Variants in CRTAC1 observed in about 807,000 individuals in gnomAD.
The protein encoded by CRTAC1 is cartilage acidic protein 1.
Under a neutral mutation model 67.8 loss-of-function variants are expected in CRTAC1, and 37 were observed. The observed-to-expected ratio is 0.55, with a 90% CI of 0.42 to 0.72. CRTAC1 has a LOEUF of 0.72. CRTAC1 is among the 30% of genes least tolerant of loss of function. The pLI is 0.00. For missense variants in CRTAC1, 780 were observed against 931.6 expected (o/e 0.84, Z 2.12); for synonymous variants, 348 against 371.0 (o/e 0.94, Z 0.71).
rs773381908 is a variant in CRTAC1 at position 97,895,266 on chromosome 10, G to C, written c.1465C>G (p.Pro489Ala). The C allele has an allele frequency of 6.2e-7, 1 of 1,612,238 alleles. No homozygotes were observed. Among genetic ancestry groups the C allele is most frequent in the East Asian group, 2.2e-5 (1 of 44,842 alleles). The change falls in exon 11 of 15, where the codon CCC becomes GCC. Residue 489 changes from proline (P) to alanine (A), a missense_variant. Physicochemically the swap from Pro to Ala is conservative, Grantham distance 27. Coordinates refer to ENST00000370597, the MANE Select transcript of CRTAC1 (RefSeq NM_018058.7). The surrounding 1 kb of genome is among the most constrained non-coding windows in gnomAD (Gnocchi z 4.2). ...GGSGYLCEME[P>A]VAHFGLGKDE... is the part of the protein sequence containing the mutation. ...TCACCCAGGCCAAAGTGTGCCACGG[G>C]CTCCATCTCACACAGGTAGCCTGAG... is the stretch of plus-strand genomic sequence containing the variant.
chr10:97,976,869 G>GC (rs2051813908), intron 2 of CRTAC1, among the ~76,000 whole-genome samples: 1 of 152,152 alleles, frequency 6.6e-6, no homozygotes, highest in Non-Finnish European at 1.5e-5. Flanking sequence ...TGAGTGATTG[G>GC]CAAAGTTCCT....
In CRTAC1 at chr10:97,883,072, C is replaced by T. The variant is rs188042816; in HGVS notation, c.1633-244G>A. Among the ~76,000 whole-genome samples the T allele has an allele frequency of 3.2e-3, 489 of 152,362 alleles. 4 individuals carry two copies. Among genetic ancestry groups the T allele is most frequent in the African/African-American group, 0.011 (464 of 41,586 alleles). Reference sequence around the variant, plus strand: ...TTGCTCATTTCCCTGTGCAAAGGATCCACACGAGCTGGGACGTCTAACAGA... The same window carrying T: ...TTGCTCATTTCCCTGTGCAAAGGATTCACACGAGCTGGGACGTCTAACAGA... On this transcript the variant is annotated intron_variant, in intron 12 of 14. Coordinates refer to ENST00000370597, the MANE Select transcript of CRTAC1 (RefSeq NM_018058.7).
At chr10:97,996,014 G>T (rs377712285) in intron 2 of CRTAC1, among the ~76,000 whole-genome samples, 5 of 152,224 alleles carry the variant, frequency 3.3e-5, no homozygotes, top group Non-Finnish European at 7.4e-5. Flanking sequence ...CAAAAAATTA[G>T]CCAGGTGTTA....
chr10:97,906,111 G>C (rs887446630), intron 6 of CRTAC1, among the ~76,000 whole-genome samples: 2 of 152,196 alleles, frequency 1.3e-5, no homozygotes, highest in Non-Finnish European at 2.9e-5. Flanking sequence ...CAGAAGGCAG[G>C]GTGGGGCCCC....
rs2051776531 is a variant in CRTAC1 at position 97,975,045 on chromosome 10, T to C, written c.224+36093A>G. 6.6e-6 allele frequency among the ~76,000 whole-genome samples: 1 copy of C among 151,524 alleles called. No homozygotes were observed. The highest frequency in any genetic ancestry group is 2.4e-5 in the African/African-American group (1 of 41,212). On this transcript the variant is annotated intron_variant, in intron 2 of 14. Coordinates refer to ENST00000370597, the MANE Select transcript of CRTAC1 (RefSeq NM_018058.7). This position sits in a 1 kb window ranked among gnomAD's most constrained non-coding sequence, Gnocchi z 4.8. ...AGGAGGCCGGAGCGCGGGCAGGGAC[T>C]GGCGCGGGATCGATTCCCGGGTGGC... is the stretch of plus-strand genomic sequence containing the variant.
intron 3 of CRTAC1, among the ~76,000 whole-genome samples, chr10:97,926,752 T>C (rs2050926262): frequency 6.6e-6 from 1 of 152,158 alleles, no homozygotes; most frequent in Non-Finnish European, 1.5e-5. Context: ...GCACTTGAAG[T>C]GTTCAGAGGG....
At chr10:97,882,060 T>G (rs757147263) in intron 13 of CRTAC1, among the ~76,000 whole-genome samples, 5 of 152,206 alleles carry the variant, frequency 3.3e-5, no homozygotes, top group Admixed American at 6.5e-5. Flanking sequence ...GTATCTGTCT[T>G]GTTTACTCCT....
chr10:98,002,525 C>A (rs1842709620), intron 2 of CRTAC1, among the ~76,000 whole-genome samples: 1 of 151,944 alleles, frequency 6.6e-6, no homozygotes, highest in Admixed American at 6.6e-5. Context: ...TGCTCTCGAC[C>A]CCCCAACCTC....
intron 1 of CRTAC1, among the ~76,000 whole-genome samples, chr10:98,019,056 A>G (rs532628883): frequency 3.6e-4 from 55 of 151,910 alleles, no homozygotes; most frequent in African/African-American, 1.3e-3. Context: ...GAGCACAGAG[A>G]GATGTAAGTT....
At chr10:97,963,760 T>C (rs2051565204) in intron 2 of CRTAC1, among the ~76,000 whole-genome samples, 1 of 152,254 alleles carries the variant, frequency 6.6e-6, no homozygotes, top group Non-Finnish European at 1.5e-5. Context: ...TTGCTGCAGG[T>C]GCTTTGGTAA....
chr10:97,992,321 C>T (rs188680336), intron 2 of CRTAC1, among the ~76,000 whole-genome samples: 7 of 152,282 alleles, frequency 4.6e-5, no homozygotes, highest in African/African-American at 1.7e-4. Flanking sequence ...AGGATATGGA[C>T]AACAGGTTAC....
rs770763731 is a variant in CRTAC1, at chr10:97,880,406, G to A, written c.1676-14C>T. On this transcript the variant is annotated splice_polypyrimidine_tract_variant and intron_variant, in intron 13 of 14. Transcript: ENST00000370597. ...ATTCATTGGTGTCTGCAAGGCGAGG[G>A]GAACCACTCACCATGAAGGTGTGGG... The A allele has an allele frequency of 1.2e-6, 2 of 1,610,738 alleles. No homozygotes were observed. Among genetic ancestry groups the A allele is most frequent in the Non-Finnish European group, 1.7e-6 (2 of 1,177,156 alleles).
chr10:98,006,570 G>A (rs552347718), intron 2 of CRTAC1, among the ~76,000 whole-genome samples: 2 of 152,126 alleles, frequency 1.3e-5, no homozygotes, highest in African/African-American at 2.4e-5. Flanking sequence ...AAACCGACCC[G>A]CAACAAGCTC....
At chr10:98,003,649 T>G (rs1354240260) in intron 2 of CRTAC1, among the ~76,000 whole-genome samples, 1 of 152,246 alleles carries the variant, frequency 6.6e-6, no homozygotes. Flanking sequence ...GTCTTTAACT[T>G]AATCACTTCT....
At chr10:97,985,510 G>A (rs529515053) in intron 2 of CRTAC1, among the ~76,000 whole-genome samples, 1 of 152,244 alleles carries the variant, frequency 6.6e-6, no homozygotes, top group South Asian at 2.1e-4. Flanking sequence ...CTAATGAAGA[G>A]AGCAGGTGCT....
At chr10:97,929,612 A>G (rs1014551014) in intron 3 of CRTAC1, among the ~76,000 whole-genome samples, 2 of 152,212 alleles carry the variant, frequency 1.3e-5, no homozygotes, top group African/African-American at 2.4e-5. Flanking sequence ...CTCTAGGTGG[A>G]TCTTGGGCAA....
chr10:97,879,507 T>G, intron 14 of CRTAC1: 1 of 687,934 alleles, frequency 1.5e-6, no homozygotes, highest in Non-Finnish European at 2.3e-6. Context: ...ACAACTAAGG[T>G]TGTGTCAGTA....
chr10:97,967,963 G>C (rs1159443230), intron 2 of CRTAC1, among the ~76,000 whole-genome samples: 1 of 152,222 alleles, frequency 6.6e-6, no homozygotes, highest in African/African-American at 2.4e-5. Context: ...AGGAGTCTGA[G>C]ATCTGGGCAA....
chr10:97,890,662 TTTTC>T (rs1472754121), intron 11 of CRTAC1, among the ~76,000 whole-genome samples: 73 of 151,922 alleles, frequency 4.8e-4, no homozygotes, highest in African/African-American at 1.7e-3. Context: ...TTCTCTTTTC[TTTTC>T]TTTCTTTTTT....
Sources: allele counts gnomAD v4.1 joint callset (sites outside exome capture counted in the v4.1 genomes callset), GRCh38; gene constraint gnomAD v4.1.1; non-coding constraint Gnocchi (gnomAD v3.1); transcripts MANE v1.5; gene names NCBI Gene and HGNC (gene_info 2026-07-23, HGNC 2026-07-21).